Variants in FRMD5 observed in about 807,000 individuals in gnomAD.
FRMD5 encodes the protein FERM domain-containing protein 5.
Under a neutral mutation model 69.0 loss-of-function variants are expected in FRMD5, and 20 were observed. That is an observed-to-expected ratio of 0.29 (90% CI 0.20 to 0.42). FRMD5 has a LOEUF of 0.42. Ranked by LOEUF, FRMD5 falls within the 10% of genes least tolerant of loss-of-function variation. The probability of loss-of-function intolerance (pLI) is 1.00; values close to 1 mark genes in which losing one functional copy is unlikely to be tolerated. For missense variants in FRMD5, 595 were observed against 708.6 expected (o/e 0.84, Z 1.82); for synonymous variants, 271 against 260.1 (o/e 1.04, Z -0.40).
At chr15:44,130,481 G>A (rs2077083581) in intron 1 of FRMD5, among the ~76,000 whole-genome samples, 1 of 152,116 alleles carries the variant, frequency 6.6e-6, no homozygotes. Context: ...TAACTAATAA[G>A]AAAAAGGATA....
At chr15:43,877,316 C>T (rs2088390517) in intron 13 of FRMD5, among the ~76,000 whole-genome samples, 1 of 152,214 alleles carries the variant, frequency 6.6e-6, no homozygotes, top group African/African-American at 2.4e-5. Flanking sequence ...TCAGGGCTAG[C>T]TCCAGAAGCC....
At chr15:44,130,601 T>C (rs1306727746) in intron 1 of FRMD5, among the ~76,000 whole-genome samples, 1 of 152,208 alleles carries the variant, frequency 6.6e-6, no homozygotes, top group African/African-American at 2.4e-5. Context: ...AAAACCTGTT[T>C]AAGAATTTGT....
At chr15:44,051,483 ATC>A (rs1385487497) in intron 1 of FRMD5, among the ~76,000 whole-genome samples, 1 of 151,890 alleles carries the variant, frequency 6.6e-6, no homozygotes, top group Non-Finnish European at 1.5e-5. Flanking sequence ...CTTCCAATAT[ATC>A]TGATACCATT....
At chr15:43,888,949 C>T in intron 8 of FRMD5, 77 bp from the exon 9 acceptor site, 1 of 1,275,828 alleles carries the variant, frequency 7.8e-7, no homozygotes, top group Non-Finnish European at 1.1e-6. Context: ...ATGCACAGCC[C>T]ACCCCAACTG....
At chr15:44,144,213 G>GT (rs2077319734) in intron 1 of FRMD5, among the ~76,000 whole-genome samples, 1 of 151,964 alleles carries the variant, frequency 6.6e-6, no homozygotes, top group Non-Finnish European at 1.5e-5. Context: ...CAAAAGCTTT[G>GT]TAAGTTGAGG....
chr15:44,093,982 T>G (rs1397919330), intron 1 of FRMD5, among the ~76,000 whole-genome samples: 1 of 152,104 alleles, frequency 6.6e-6, no homozygotes, highest in African/African-American at 2.4e-5. Context: ...ATGAATCAGC[T>G]TGCAAGAACC....
Position 43,905,895 on chromosome 15 carries a change from G to A in FRMD5, c.484C>T (p.Gln162Ter). The A allele has an allele frequency of 6.2e-7, 1 of 1,614,160 alleles. No homozygotes were observed. The highest frequency in any genetic ancestry group is 8.5e-7 in the Non-Finnish European group (1 of 1,180,014). The change falls in exon 6 of 14, where the codon CAG (glutamine) becomes TAG (stop). Residue 162 changes from glutamine (Q) to a stop codon, truncating the protein, a stop_gained. Coordinates refer to ENST00000417257, the MANE Select transcript of FRMD5 (RefSeq NM_032892.5). LOFTEE classifies it high-confidence loss of function. ...KHPEGYSSKF[Q>*]FFPKHSEKLE... ...TTCTCTGAATGTTTAGGGAAAAACT[G>A]GAACTTGGAGCTGTAGCCTTCAGGG...
intron 1 of FRMD5, among the ~76,000 whole-genome samples, chr15:44,080,101 T>C (rs1337649631): frequency 6.6e-6 from 1 of 152,126 alleles, no homozygotes; most frequent in African/African-American, 2.4e-5. Flanking sequence ...AAAATGCTTA[T>C]GTTATATATA....
intron 1 of FRMD5, among the ~76,000 whole-genome samples, chr15:44,159,639 T>A (rs2077581619): frequency 6.6e-6 from 1 of 152,122 alleles, no homozygotes; most frequent in East Asian, 1.9e-4. Context: ...ACCTAGAGAA[T>A]GAAAATAGGA....
chr15:44,072,295 G>A (rs753655452), intron 1 of FRMD5, among the ~76,000 whole-genome samples: 3 of 152,098 alleles, frequency 2.0e-5, no homozygotes, highest in Admixed American at 6.5e-5. Flanking sequence ...TAAGTATGAC[G>A]TACAACAGTC....
intron 1 of FRMD5, among the ~76,000 whole-genome samples, chr15:44,029,113 A>G (rs1243959462): frequency 6.6e-6 from 1 of 152,240 alleles, no homozygotes; most frequent in Non-Finnish European, 1.5e-5. Context: ...AAACTGATCA[A>G]CTAGCAAAGC....
At chr15:44,100,221 A>AT (rs925221217) in intron 1 of FRMD5, among the ~76,000 whole-genome samples, 2 of 149,210 alleles carry the variant, frequency 1.3e-5, no homozygotes, top group African/African-American at 4.9e-5. Flanking sequence ...ACCCGGCTAA[A>AT]TTTTTTTTTT....
chr15:44,022,584 G>GAAAA lies in FRMD5; in HGVS notation c.103-98279_103-98276dup, dbSNP rs5812262. ...GCAAGACTCTGTCCCCACTCCACCA[G>GAAAA]AAAAAAAAAAAAAAAAAAAAAAAGA... On this transcript the variant is annotated intron_variant, in intron 1 of 13. Transcript: ENST00000417257. 1.9e-3 allele frequency among the ~76,000 whole-genome samples: 141 copies of GAAAA among 73,026 alleles called. 10 individuals are homozygous for GAAAA. In the East Asian group the frequency reaches 0.04, roughly 21 times the overall value. 47.9% of individuals were successfully genotyped at this position (73,026 alleles called of 152,430 possible).
intron 1 of FRMD5, among the ~76,000 whole-genome samples, chr15:44,088,080 G>A (rs1002745180): frequency 6.6e-6 from 1 of 152,024 alleles, no homozygotes; most frequent in Non-Finnish European, 1.5e-5. Context: ...GAAAGATATA[G>A]GTCCTGTTCT....
intron 1 of FRMD5, among the ~76,000 whole-genome samples, chr15:44,049,805 A>G (rs1433118454): frequency 6.6e-6 from 1 of 152,174 alleles, no homozygotes; most frequent in Admixed American, 6.5e-5. Context: ...GTCTAGGTCA[A>G]CCTACTAATT....
chr15:44,031,186 T>A (rs896736408), intron 1 of FRMD5, among the ~76,000 whole-genome samples: 3 of 151,984 alleles, frequency 2.0e-5, no homozygotes, highest in Non-Finnish European at 4.4e-5. Context: ...GTGGTGTAGA[T>A]GAAGGTTGAA....
chr15:43,978,375 T>C (rs924916875), intron 1 of FRMD5, among the ~76,000 whole-genome samples: 2 of 152,210 alleles, frequency 1.3e-5, no homozygotes, highest in South Asian at 2.1e-4. Flanking sequence ...AGAACTCTCA[T>C]ACATTGCTGG....
chr15:43,916,728 G>A (rs905120126), intron 4 of FRMD5, among the ~76,000 whole-genome samples: 2 of 152,118 alleles, frequency 1.3e-5, no homozygotes, highest in South Asian at 4.2e-4. Flanking sequence ...TTCTTGGGTA[G>A]GAAGGTCTGT....
At chr15:44,069,981 GA>G (rs1893468635) in intron 1 of FRMD5, among the ~76,000 whole-genome samples, 1 of 152,096 alleles carries the variant, frequency 6.6e-6, no homozygotes, top group Non-Finnish European at 1.5e-5. Flanking sequence ...AACTACTAAG[GA>G]AATTTTTTAA....
Sources: allele counts gnomAD v4.1 joint callset (sites outside exome capture counted in the v4.1 genomes callset), GRCh38; gene constraint gnomAD v4.1.1; transcripts MANE v1.5; gene names NCBI Gene and HGNC (gene_info 2026-07-23, HGNC 2026-07-21).